Variants in SEM1 observed in about 807,000 individuals in gnomAD.
The protein encoded by SEM1 is 26S proteasome complex subunit SEM1.
Under a neutral mutation model 12.7 loss-of-function variants are expected in SEM1, and 3 were observed. That is an observed-to-expected ratio of 0.24 (90% CI 0.11 to 0.61). The LOEUF is 0.61. SEM1 is among the 20% of genes least tolerant of loss of function. The pLI, the probability that SEM1 is intolerant of heterozygous loss-of-function variation, is 0.88. For missense variants in SEM1, 59 were observed against 81.3 expected, an observed-to-expected ratio of 0.73 and a Z score of 1.06; for synonymous variants, 30 against 27.8, an observed-to-expected ratio of 1.08 and a Z score of -0.25.
chr7:96,702,159 A>T (rs1253859512), intron 1 of SEM1, among the ~76,000 whole-genome samples: 1 of 152,142 alleles, frequency 6.6e-6, no homozygotes, highest in Non-Finnish European at 1.5e-5. Flanking sequence ...TGGAGAAGGG[A>T]ATAACAAATG....
At chr7:96,632,459 A>C (rs1808291377) in intron 2 of SEM1, among the ~76,000 whole-genome samples, 1 of 152,136 alleles carries the variant, frequency 6.6e-6, no homozygotes, top group Non-Finnish European at 1.5e-5. Flanking sequence ...AAGAACAGAA[A>C]AGCAAACACT....
chr7:96,514,857 A>G (rs1331609450), intron 2 of SEM1, among the ~76,000 whole-genome samples: 1 of 152,178 alleles, frequency 6.6e-6, no homozygotes, highest in Non-Finnish European at 1.5e-5. Context: ...ATATACCTTC[A>G]ATATAATCTC....
chr7:96,584,129 T>C (rs773882066), intron 2 of SEM1, among the ~76,000 whole-genome samples: 6 of 152,214 alleles, frequency 3.9e-5, no homozygotes, highest in East Asian at 1.9e-4. Context: ...CCATGTTTAG[T>C]GCTTCCTTCA....
intron 2 of SEM1, among the ~76,000 whole-genome samples, chr7:96,599,754 T>C (rs1807136701): frequency 6.6e-6 from 1 of 152,186 alleles, no homozygotes; most frequent in African/African-American, 2.4e-5. Context: ...CCTGTCTTTA[T>C]GTAGTCACTA....
chr7:96,515,767 A>C (rs1243036273), intron 2 of SEM1, among the ~76,000 whole-genome samples: 1 of 152,204 alleles, frequency 6.6e-6, no homozygotes, highest in African/African-American at 2.4e-5. Context: ...TAAGCAAACT[A>C]TCACAAGGAC....
At chr7:96,674,592 G>A (rs1323087689) in intron 2 of SEM1, among the ~76,000 whole-genome samples, 2 of 152,058 alleles carry the variant, frequency 1.3e-5, no homozygotes, top group East Asian at 1.9e-4. Context: ...GTTTGGGCTC[G>A]GGAGGTCAAG....
intron 2 of SEM1, among the ~76,000 whole-genome samples, chr7:96,527,393 G>A (rs1290836411): frequency 6.6e-6 from 1 of 152,118 alleles, no homozygotes; most frequent in Non-Finnish European, 1.5e-5. Context: ...AGCAGACCCA[G>A]GATCTGAAAT....
intron 2 of SEM1, among the ~76,000 whole-genome samples, chr7:96,662,770 C>T (rs1789047470): frequency 6.6e-6 from 1 of 152,130 alleles, no homozygotes; most frequent in Non-Finnish European, 1.5e-5. Flanking sequence ...AAAGACTGAA[C>T]CCTACTTCAT....
At chr7:96,692,637 C>T (rs1251834463) in intron 2 of SEM1, among the ~76,000 whole-genome samples, 1 of 151,928 alleles carries the variant, frequency 6.6e-6, no homozygotes, top group African/African-American at 2.4e-5. Context: ...AAACTGAAAT[C>T]TGTAAAAAGA....
chr7:96,496,143 G>A (rs1386131735), intron 1 of SEM1: 3 of 516,544 alleles, frequency 5.8e-6, no homozygotes, highest in Admixed American at 3.6e-5. Context: ...CCCAGAGCTC[G>A]ATTTGACTAA....
exon 4 of SEM1, chr7:96,482,342 T>C (rs1258457410): frequency 6.6e-6 from 1 of 152,220 alleles, no homozygotes; most frequent in African/African-American, 2.4e-5. Context: ...AATACATTTA[T>C]TTGTGGGTGA....
In SEM1 at chr7:96,688,960, T is replaced by C. The variant is rs147626315; in HGVS notation, c.177A>G (p.Glu59=). 66 of 1,584,628 alleles carry C rather than the reference T, an allele frequency of 4.2e-5. No homozygotes were observed. Among genetic ancestry groups the C allele is most frequent in the Non-Finnish European group, 5.2e-5 (60 of 1,154,632 alleles). Reference sequence around the variant, plus strand: ...CCATCTTATAACCATGTTTCTCTAGTTCAGCTCTAAGATAAAACAGAAAGA... The same window carrying C: ...CCATCTTATAACCATGTTTCTCTAGCTCAGCTCTAAGATAAAACAGAAAGA... ...EDDFSNQLRA[E]LEKHGYKMET... The change falls in exon 3 of 3, where the codon GAA becomes GAG. Residue 59 remains glutamate (E), a synonymous_variant. Coordinates refer to ENST00000248566, the MANE Select transcript of SEM1 (RefSeq NM_006304.2).
chr7:96,698,512 G>A (rs1017776032), intron 1 of SEM1, among the ~76,000 whole-genome samples: 2 of 152,088 alleles, frequency 1.3e-5, no homozygotes, highest in African/African-American at 2.4e-5. Flanking sequence ...GAGAACATGC[G>A]GTGTTAGGTT....
At chr7:96,616,387 T>G (rs1807723140) in intron 2 of SEM1, among the ~76,000 whole-genome samples, 1 of 152,198 alleles carries the variant, frequency 6.6e-6, no homozygotes, top group South Asian at 2.1e-4. Flanking sequence ...TACAATGGTT[T>G]TTTTTCAGTG....
chr7:96,534,233 A>G (rs1307773343), intron 2 of SEM1, among the ~76,000 whole-genome samples: 1 of 152,078 alleles, frequency 6.6e-6, no homozygotes, highest in Non-Finnish European at 1.5e-5. Flanking sequence ...TGCCAACAAA[A>G]AAAAGTTCAG....
At chr7:96,629,954 T>C (rs1315291325) in intron 2 of SEM1, among the ~76,000 whole-genome samples, 3 of 152,196 alleles carry the variant, frequency 2.0e-5, no homozygotes, top group African/African-American at 2.4e-5. Flanking sequence ...CTGAGACTCT[T>C]GTTCTCTTTC....
intron 2 of SEM1, among the ~76,000 whole-genome samples, chr7:96,527,933 T>C (rs924017673): frequency 2.6e-5 from 4 of 152,162 alleles, no homozygotes; most frequent in African/African-American, 9.6e-5. Flanking sequence ...GTTTTTGTTT[T>C]CCTTCTGCTT....
chr7:96,583,709 C>A (rs1806500744), intron 2 of SEM1, among the ~76,000 whole-genome samples: 1 of 150,496 alleles, frequency 6.6e-6, no homozygotes, highest in South Asian at 2.2e-4. Context: ...TTGAATTGAT[C>A]CCTTTACCAT....
chr7:96,699,953 C>T (rs1235373404), intron 1 of SEM1, among the ~76,000 whole-genome samples: 4 of 152,120 alleles, frequency 2.6e-5, no homozygotes, highest in Non-Finnish European at 5.9e-5. Context: ...AGTTCAAAGA[C>T]AAATATCTAT....
Sources: gnomAD v4.1 joint callset for allele counts (sites outside exome capture counted in the v4.1 genomes callset) on GRCh38, gnomAD v4.1.1 for gene constraint, MANE v1.5 for transcripts, NCBI Gene and HGNC (gene_info 2026-07-23, HGNC 2026-07-21) for gene names.